Variants in ARHGAP22 observed in about 807,000 individuals in gnomAD.
ARHGAP22 encodes Rho GTPase activating protein 22.
ARHGAP22 carries 48 observed loss-of-function variants against 59.1 expected under a neutral mutation model. The ratio of observed to expected loss-of-function variants is 0.81; its 90% CI spans 0.64 to 1.03. The LOEUF (loss-of-function observed/expected upper bound fraction) is 1.03, where lower values mean the gene tolerates loss of function less well. ARHGAP22 is among the 50% of genes least tolerant of loss of function. The pLI is 0.00. For synonymous variants in ARHGAP22, 445 were observed against 416.4 expected, an observed-to-expected ratio of 1.07 and a Z score of -0.84; for missense variants, 1,015 against 958.7, an observed-to-expected ratio of 1.06 and a Z score of -0.78.
chr10:48,652,225 A>C, intron 1 of ARHGAP22: 2 of 1,534,830 alleles, frequency 1.3e-6, no homozygotes, highest in Non-Finnish European at 1.7e-6. Flanking sequence ...AACATAAAAA[A>C]ATTCTTACTG....
intron 1 of ARHGAP22, among the ~76,000 whole-genome samples, chr10:48,641,879 C>A (rs1056735234): frequency 2.0e-5 from 3 of 151,134 alleles, no homozygotes; most frequent in Admixed American, 1.3e-4. Flanking sequence ...CTTAAGCAAC[C>A]TCAGCAAAGT....
At position 48,446,579 on chromosome 10, in the gene ARHGAP22, G is replaced by T. The variant is rs141682688; in HGVS notation, c.1909C>A (p.Arg637=). The T allele has an allele frequency of 4.9e-5, 79 of 1,614,000 alleles. No homozygotes were observed. Among genetic ancestry groups the T allele is most frequent in the East Asian group, 6.7e-5 (3 of 44,890 alleles). ...GSADLRKRMS[R]LEEELDQEKK... is the part of the protein sequence containing the mutation. The stretch of plus-strand genomic sequence containing the variant: ...TCCTGGTCCAGTTCTTCTTCTAACC[G>T]GGACATTCGTTTTCTCAGGTCAGCA... The change falls in exon 10 of 10, where the codon CGG becomes AGG. Residue 637 remains arginine (R), a synonymous_variant. Coordinates refer to ENST00000249601, the MANE Select transcript of ARHGAP22 (RefSeq NM_021226.4).
chr10:48,454,850 G>T, intron 6 of ARHGAP22, 152 bp downstream of exon 6: 23 of 443,792 alleles, frequency 5.2e-5, no homozygotes, highest in Non-Finnish European at 6.2e-5. Context: ...CAAGCAGGAT[G>T]CTCCAGGCCC....
intron 2 of ARHGAP22, among the ~76,000 whole-genome samples, chr10:48,578,907 CT>C (rs1016681992): frequency 1.6e-3 from 235 of 150,862 alleles, no homozygotes; most frequent in Middle Eastern, 3.4e-3. Context: ...ACTTGCTTAC[CT>C]TTTTTTTTCC....
At chr10:48,575,424 G>T (rs570586574) in intron 2 of ARHGAP22, 3 of 152,314 alleles carry the variant, frequency 2.0e-5, no homozygotes, top group Admixed American at 6.5e-5. Context: ...AAATATTCCT[G>T]TGACTTTCAA....
chr10:48,465,220 G>C (rs989817136), intron 4 of ARHGAP22, among the ~76,000 whole-genome samples: 1 of 152,236 alleles, frequency 6.6e-6, no homozygotes, highest in African/African-American at 2.4e-5. Context: ...CCCAGCCCAT[G>C]CTCTTTACAG....
chr10:48,446,541 G>A lies in ARHGAP22; in HGVS notation c.1947C>T (p.Tyr649=), dbSNP rs898045523. Residue 649 remains tyrosine, a synonymous_variant, in exon 10 of 10, where the codon TAC becomes TAT. Coordinates refer to ENST00000249601, the MANE Select transcript of ARHGAP22 (RefSeq NM_021226.4). ...TCCGCAGCTTTATTTCCAGCATGAT[G>A]TATTTTTTCTTTTCCTGGTCCAGTT... The part of the protein sequence containing the change: ...EEELDQEKKK[Y]IMLEIKLRNS... 6.2e-7 allele frequency: 1 copy of A among 1,614,178 alleles called. No homozygotes were observed. Among genetic ancestry groups the A allele is most frequent in the Non-Finnish European group, 8.5e-7 (1 of 1,180,036 alleles).
chr10:48,493,750 G>C, intron 3 of ARHGAP22: 2 of 1,033,864 alleles, frequency 1.9e-6, no homozygotes, highest in East Asian at 6.1e-5. Context: ...GTGGGAGGTC[G>C]GCGTGGTTGT....
rs142767193 is a variant in ARHGAP22 at position 48,503,049 on chromosome 10, G to A, written c.323-23285C>T. On this transcript the variant is annotated intron_variant, in intron 3 of 9. Transcript: ENST00000249601. Reference sequence around the variant, plus strand: ...GAGGCTGATTGGACGAGGCCCCCTCGTCTCCTGACCTTGGAGAAGCCAGGA... The same window carrying A: ...GAGGCTGATTGGACGAGGCCCCCTCATCTCCTGACCTTGGAGAAGCCAGGA... Among the ~76,000 whole-genome samples, 771 of 152,316 alleles carry A rather than the reference G, an allele frequency of 5.1e-3. 9 individuals are homozygous for A. Among genetic ancestry groups the A allele is most frequent in the African/African-American group, 0.017 (726 of 41,586 alleles).
rs756280802 is a variant in ARHGAP22, at chr10:48,446,442, C to A, written c.2046G>T (p.Ser682=). The A allele has an allele frequency of 2.5e-6, 4 of 1,613,990 alleles. No homozygotes were observed. The highest frequency in any genetic ancestry group is 2.2e-5 in the East Asian group (1 of 44,882). Reference sequence around the variant, plus strand: ...CCCCAACAGTCAAGCTTCCTAGGGTCGAAAAAAACTCCTCCATTTCCCTCT... The same window carrying A: ...CCCCAACAGTCAAGCTTCCTAGGGTAGAAAAAAACTCCTCCATTTCCCTCT... ...LLQREMEEFF[S]TLGSLTVGAK... is the part of the protein sequence containing the mutation. The change falls in exon 10 of 10, where the codon TCG becomes TCT. Residue 682 remains serine (S), a synonymous_variant. Transcript: ENST00000249601.
chr10:48,632,159 A>G (rs2061651113), intron 1 of ARHGAP22, among the ~76,000 whole-genome samples: 1 of 152,148 alleles, frequency 6.6e-6, no homozygotes, highest in South Asian at 2.1e-4. Flanking sequence ...TCCATTATAT[A>G]ATTCTTACGC....
chr10:48,432,263 G>C, the ARHGAP22 span, among the ~76,000 whole-genome samples: 1 of 152,140 alleles, frequency 6.6e-6, no homozygotes, highest in Non-Finnish European at 1.5e-5. Context: ...GTTGTATCTA[G>C]CATCTTGTAT....
At chr10:48,504,503 G>T (rs2051875110) in intron 3 of ARHGAP22, among the ~76,000 whole-genome samples, 1 of 152,178 alleles carries the variant, frequency 6.6e-6, no homozygotes, top group Admixed American at 6.5e-5. Context: ...AATGGGGTGG[G>T]TCAGGAAAAG....
intron 1 of ARHGAP22, among the ~76,000 whole-genome samples, chr10:48,637,559 A>G (rs567424056): frequency 2.7e-4 from 41 of 150,704 alleles, no homozygotes; most frequent in African/African-American, 9.8e-4. Flanking sequence ...TGGATGGGTA[A>G]ATGGATGGAT....
chr10:48,501,912 A>T (rs2051563555), intron 3 of ARHGAP22, among the ~76,000 whole-genome samples: 1 of 152,142 alleles, frequency 6.6e-6, no homozygotes, highest in Non-Finnish European at 1.5e-5. Context: ...AAGAGAAGGG[A>T]GGGTCTCAGG....
intron 1 of ARHGAP22, among the ~76,000 whole-genome samples, chr10:48,637,603 GTGGGTGAATGGATGGATGGCAAA>G (rs1254200518): frequency 6.6e-6 from 1 of 151,986 alleles, no homozygotes; most frequent in African/African-American, 2.4e-5. Flanking sequence ...TGGTGGATGG[GTGGGTGAATGGATGGATGGCAAA>G]TGGGTGAATA....
intron 1 of ARHGAP22, among the ~76,000 whole-genome samples, chr10:48,628,221 G>A (rs992639182): frequency 6.6e-6 from 1 of 152,218 alleles, no homozygotes; most frequent in Non-Finnish European, 1.5e-5. Flanking sequence ...GGAGCATGCT[G>A]TGCCTGGTGG....
intron 7 of ARHGAP22, 134 bp from the exon 8 acceptor site, chr10:48,453,559 G>A: frequency 7.5e-7 from 1 of 1,336,616 alleles, no homozygotes; most frequent in South Asian, 1.3e-5. Flanking sequence ...GGTGTAGCCT[G>A]CCTCTGCCAG....
intron 5 of ARHGAP22, among the ~76,000 whole-genome samples, chr10:48,456,868 A>G (rs1175789323): frequency 7.7e-6 from 1 of 129,244 alleles, no homozygotes; most frequent in Non-Finnish European, 1.6e-5. Flanking sequence ...AACAGCTGTC[A>G]CCAGGCCTTT....
Sources: allele counts gnomAD v4.1 joint callset (sites outside exome capture counted in the v4.1 genomes callset), GRCh38; gene constraint gnomAD v4.1.1; transcripts MANE v1.5; gene names NCBI Gene and HGNC (gene_info 2026-07-23, HGNC 2026-07-21).